The following NTRK2 variants were observed in gnomAD, a reference collection of about 807,000 sequenced individuals.
NTRK2 encodes BDNF/NT-3 growth factors receptor.
A neutral mutation model predicts 94.5 loss-of-function variants in NTRK2; 13 were observed. The ratio of observed to expected loss-of-function variants is 0.14; its 90% CI spans 0.09 to 0.22. The LOEUF is 0.22. Among genes scored for constraint, NTRK2 ranks in the 10% least tolerant of loss-of-function variants. The pLI is 1.00. For synonymous variants in NTRK2, 372 were observed against 407.4 expected (o/e 0.91, Z 1.05); for missense variants, 639 against 1,071.2 (o/e 0.60, Z 5.63).
chr9:84,717,224 A>C (rs2061760745), intron 6 of NTRK2, among the ~76,000 whole-genome samples: 1 of 152,242 alleles, frequency 6.6e-6, no homozygotes. Context: ...TGAAATGAAC[A>C]GAGCTCAGGA....
intron 16 of NTRK2, among the ~76,000 whole-genome samples, chr9:84,950,581 G>A (rs560880838): frequency 1.9e-5 from 2 of 105,484 alleles, no homozygotes; most frequent in South Asian, 7.7e-4. Context: ...GTTTTATCTG[G>A]GTCTAATATG....
chr9:84,733,269 C>T (rs1297309538), intron 9 of NTRK2, among the ~76,000 whole-genome samples: 7 of 152,220 alleles, frequency 4.6e-5, no homozygotes, highest in African/African-American at 1.4e-4. Flanking sequence ...ATCTTACACT[C>T]TCAAGGTGAA....
At chr9:84,866,460 A>G (rs1274723102) in intron 13 of NTRK2, among the ~76,000 whole-genome samples, 3 of 152,218 alleles carry the variant, frequency 2.0e-5, no homozygotes. Flanking sequence ...AGATCCTGAA[A>G]TTCCCAGAAC....
chr9:84,815,502 A>T, intron 12 of NTRK2: 1 of 1,034,986 alleles, frequency 9.7e-7, no homozygotes, highest in Non-Finnish European at 1.2e-6. Context: ...CAGCCTGTGA[A>T]TCATTCTCAT....
At chr9:84,779,444 C>T (rs924407096) in intron 12 of NTRK2, among the ~76,000 whole-genome samples, 3 of 152,198 alleles carry the variant, frequency 2.0e-5, no homozygotes, top group Non-Finnish European at 2.9e-5. Flanking sequence ...GTTTCCAACC[C>T]CCTCATCTTT....
intron 12 of NTRK2, among the ~76,000 whole-genome samples, chr9:84,760,528 A>C (rs1020348808): frequency 6.6e-6 from 1 of 152,242 alleles, no homozygotes; most frequent in Non-Finnish European, 1.5e-5. Flanking sequence ...GGTATGTATC[A>C]TGAATACAAA....
chr9:84,866,063 T>C (rs2075578831), intron 13 of NTRK2, among the ~76,000 whole-genome samples: 1 of 152,236 alleles, frequency 6.6e-6, no homozygotes, highest in African/African-American at 2.4e-5. Flanking sequence ...AATGCTATGA[T>C]TATTAATTTA....
chr9:84,723,089 G>A (rs1049798006), intron 6 of NTRK2, among the ~76,000 whole-genome samples: 2 of 152,192 alleles, frequency 1.3e-5, no homozygotes, highest in Admixed American at 6.5e-5. Context: ...GGTTAGATTT[G>A]TGAGAGTTAC....
At chr9:84,953,621 GGGGTTGT>G (rs1240241520) in intron 16 of NTRK2, among the ~76,000 whole-genome samples, 1 of 152,200 alleles carries the variant, frequency 6.6e-6, no homozygotes, top group Non-Finnish European at 1.5e-5. Flanking sequence ...GAGGCAGCTG[GGGGTTGT>G]GGTTTGAGTA....
intron 13 of NTRK2, 145 bp downstream of exon 13, chr9:84,861,232 T>G: frequency 2.9e-6 from 2 of 682,190 alleles, no homozygotes; most frequent in Non-Finnish European, 2.5e-6. Context: ...GAAGTAGGTC[T>G]AGAATTTTTC....
chr9:84,958,409 A>G (rs1442332605), intron 17 of NTRK2, among the ~76,000 whole-genome samples: 1 of 152,242 alleles, frequency 6.6e-6, no homozygotes, highest in Non-Finnish European at 1.5e-5. Context: ...ATTTGTTAAA[A>G]AGAAAATCCT....
chr9:84,980,141 G>T (rs1263484392), intron 17 of NTRK2, among the ~76,000 whole-genome samples: 2 of 152,038 alleles, frequency 1.3e-5, no homozygotes, highest in Admixed American at 1.3e-4. Flanking sequence ...TGTTCATTTT[G>T]TGTGTGTGTG....
At chr9:84,867,207 G>A in intron 13 of NTRK2, 36 bp from the exon 14 acceptor site, 2 of 1,600,720 alleles carry the variant, frequency 1.2e-6, no homozygotes, top group South Asian at 2.2e-5. Flanking sequence ...TAAAGCCATT[G>A]ATTACAGGAG....
chr9:84,744,405 T>C (rs902646993), intron 10 of NTRK2, among the ~76,000 whole-genome samples: 2 of 152,218 alleles, frequency 1.3e-5, no homozygotes, highest in Admixed American at 1.3e-4. Context: ...AGTTTCATAC[T>C]GATGCTTGTT....
chr9:84,970,346 G>T (rs549140508), intron 17 of NTRK2, among the ~76,000 whole-genome samples: 1 of 152,038 alleles, frequency 6.6e-6, no homozygotes, highest in East Asian at 1.9e-4. Flanking sequence ...CTGCACTCCA[G>T]CCTGGGGGAC....
chr9:84,809,316 G>A (rs2071480792), intron 12 of NTRK2, among the ~76,000 whole-genome samples: 1 of 151,492 alleles, frequency 6.6e-6, no homozygotes, highest in South Asian at 2.1e-4. Context: ...CTTTATTTTT[G>A]TAACATTTAT....
intron 11 of NTRK2, among the ~76,000 whole-genome samples, chr9:84,748,169 A>G (rs1247479731): frequency 6.6e-6 from 1 of 152,182 alleles, no homozygotes; most frequent in Non-Finnish European, 1.5e-5. Context: ...GCAGCCAACC[A>G]ACCAATCAAA....
chr9:84,876,074 T>A, intron 14 of NTRK2: 1 of 1,031,528 alleles, frequency 9.7e-7, no homozygotes, highest in Non-Finnish European at 1.2e-6. Context: ...TTCTTTCTTA[T>A]GCTGTTACTA....
intron 12 of NTRK2, chr9:84,814,085 A>T (rs2072110727): frequency 9.4e-7 from 1 of 1,065,190 alleles, no homozygotes; most frequent in African/African-American, 1.6e-5. Flanking sequence ...TTTCTCTCCC[A>T]GTCTCCCAGC....
Sources: allele counts gnomAD v4.1 joint callset (sites outside exome capture counted in the v4.1 genomes callset), GRCh38; gene constraint gnomAD v4.1.1; transcripts MANE v1.5; gene names NCBI Gene and HGNC (gene_info 2026-07-23, HGNC 2026-07-21).